PLEKHA8: variants seen among roughly 807,000 people sequenced by gnomAD.
The protein encoded by PLEKHA8 is pleckstrin homology domain containing A8.
PLEKHA8 carries 36 observed loss-of-function variants against 68.2 expected under a neutral mutation model. That is an observed-to-expected ratio of 0.53 (90% CI 0.40 to 0.70). The LOEUF is 0.70. Among genes scored for constraint, PLEKHA8 ranks in the 30% least tolerant of loss-of-function variants. The probability of loss-of-function intolerance (pLI) is 0.00; values close to 1 mark genes in which losing one functional copy is unlikely to be tolerated. For synonymous variants in PLEKHA8, 211 were observed against 216.1 expected (o/e 0.98, Z 0.20); for missense variants, 505 against 615.4 (o/e 0.82, Z 1.90).
intron 9 of PLEKHA8, among the ~76,000 whole-genome samples, chr7:30,056,358 C>CAT (rs1466345466): frequency 2.4e-5 from 3 of 122,478 alleles, no homozygotes; most frequent in African/African-American, 9.4e-5. Context: ...ATATATATAA[C>CAT]ACATATATAT....
rs769200561 is a variant in PLEKHA8, at chr7:30,080,876, GA to G, written c.*2091del. 5.1e-6 allele frequency: 5 copies of G among 985,346 alleles called. No homozygotes were observed. The highest frequency in any genetic ancestry group is 6.0e-6 in the Non-Finnish European group (5 of 829,912). 61.0% of individuals were successfully genotyped at this position (985,346 alleles called of 1,614,324 possible). A position where few individuals can be genotyped will look rare whatever the true frequency, so the allele number is the denominator to read the frequency against. ...GCCAGTTTTTGCTTGTACTTTGAAT[GA>G]AGATGTTTTAGGCATTGTACCATTT... On this transcript the variant is annotated 3_prime_UTR_variant, in exon 14 of 14. Coordinates refer to ENST00000449726, the MANE Select transcript of PLEKHA8 (RefSeq NM_001197026.2).
chr7:30,081,042 G>A lies in PLEKHA8; in HGVS notation c.*2255G>A, dbSNP rs1008688264. On this transcript the variant is annotated 3_prime_UTR_variant, in exon 14 of 14. Coordinates refer to ENST00000449726, the MANE Select transcript of PLEKHA8 (RefSeq NM_001197026.2). ...CTGAAAATACCTCAGGTTTGCCACC[G>A]CAACTCTGAATACACACAAAAGGAA... The A allele has an allele frequency of 4.1e-6, 4 of 985,114 alleles. No individual in the cohort carries two copies. The highest frequency in any genetic ancestry group is 9.4e-5 in the South Asian group (2 of 21,270). 61.0% of individuals were successfully genotyped at this position (985,114 alleles called of 1,614,324 possible).
chr7:30,041,684 G>T (rs1411621193), intron 1 of PLEKHA8, among the ~76,000 whole-genome samples: 1 of 152,060 alleles, frequency 6.6e-6, no homozygotes, highest in Admixed American at 6.6e-5. Flanking sequence ...AGTGAACCAC[G>T]GAGCCCAGCC....
chr7:30,097,821 C>G (rs1009439345), intron 13 of PLEKHA8, among the ~76,000 whole-genome samples: 4 of 152,208 alleles, frequency 2.6e-5, no homozygotes, highest in Non-Finnish European at 5.9e-5. Flanking sequence ...ATTCTTCTCT[C>G]AACTCGTCAA....
At chr7:30,106,369 T>C (rs2128014543) in intron 13 of PLEKHA8, among the ~76,000 whole-genome samples, 1 of 152,246 alleles carries the variant, frequency 6.6e-6, no homozygotes, top group African/African-American at 2.4e-5. Flanking sequence ...TGGCCATCTT[T>C]AAGTCTTTAA....
At position 30,079,732 on chromosome 7, in the gene PLEKHA8, A is replaced by C. The variant is rs549949189; in HGVS notation, c.*945A>C. ...GTGCTTGTTCAAACAGCAGATTCCC[A>C]GGCCTTATTTTGGCCTAAAGAACCA... On this transcript the variant is annotated 3_prime_UTR_variant, in exon 14 of 14. Transcript: ENST00000449726. 79 of 544,170 alleles carry C rather than the reference A, an allele frequency of 1.5e-4. No homozygotes were observed. In the South Asian group the frequency reaches 2.3e-3, roughly 16 times the overall value. 33.7% of individuals were successfully genotyped at this position (544,170 alleles called of 1,614,324 possible).
intron 1 of PLEKHA8, among the ~76,000 whole-genome samples, chr7:30,032,347 A>G (rs1163292068): frequency 6.6e-6 from 1 of 152,222 alleles, no homozygotes; most frequent in Non-Finnish European, 1.5e-5. Context: ...CTCCATTTAA[A>G]ATAATGGGAT....
At chr7:30,038,566 T>A (rs1360693615) in intron 1 of PLEKHA8, among the ~76,000 whole-genome samples, 1 of 152,182 alleles carries the variant, frequency 6.6e-6, no homozygotes, top group Non-Finnish European at 1.5e-5. Context: ...TGGGGACAAT[T>A]TTGGTAGAAT....
intron 3 of PLEKHA8, among the ~76,000 whole-genome samples, chr7:30,046,793 A>C (rs770758056): frequency 1.3e-5 from 2 of 152,156 alleles, no homozygotes; most frequent in Non-Finnish European, 2.9e-5. Context: ...TGAGCCAGAT[A>C]AGCCTTGGAT....
At chr7:30,064,846 T>C (rs1281254516) in intron 12 of PLEKHA8, among the ~76,000 whole-genome samples, 1 of 152,170 alleles carries the variant, frequency 6.6e-6, no homozygotes, top group Non-Finnish European at 1.5e-5. Context: ...CCCAGTGGAC[T>C]CCGCTTGTCT....
In PLEKHA8 at chr7:30,082,077, T is replaced by C. The variant is rs1342046918; in HGVS notation, c.*3290T>C. 1.0e-6 allele frequency: 1 copy of C among 984,302 alleles called. No homozygotes were observed. The highest frequency in any genetic ancestry group is 1.2e-6 in the Non-Finnish European group (1 of 828,906). 61.0% of individuals were successfully genotyped at this position (984,302 alleles called of 1,614,324 possible). A position where few individuals can be genotyped will look rare whatever the true frequency, so the allele number is the denominator to read the frequency against. Reference sequence around the variant, plus strand: ...GAAGGGAGTTCCAGAAGAGGAGCTCTCACAGAATGTTGAGCCTGTGGGCCC... The same window carrying C: ...GAAGGGAGTTCCAGAAGAGGAGCTCCCACAGAATGTTGAGCCTGTGGGCCC... On this transcript the variant is annotated 3_prime_UTR_variant, in exon 14 of 14. Transcript: ENST00000449726.
At position 30,078,489 on chromosome 7, in the gene PLEKHA8, T is replaced by C; in HGVS notation, c.1363-101T>C. 2.4e-6 allele frequency: 3 copies of C among 1,235,568 alleles called. No homozygotes were observed. In the South Asian group the frequency reaches 3.8e-5, roughly 16 times the overall value. The allele number at this position is 1,235,568 out of a possible 1,614,324, so 76.5% of individuals were successfully genotyped here. On this transcript the variant is annotated intron_variant, in intron 13 of 13. Coordinates refer to ENST00000449726, the MANE Select transcript of PLEKHA8 (RefSeq NM_001197026.2). Reference sequence around the variant, plus strand: ...CTTTACTCTTGCTCTTCTCAGCTGTTTGTATGTGTGAAAGTATGTGTGTGT... The same window carrying C: ...CTTTACTCTTGCTCTTCTCAGCTGTCTGTATGTGTGAAAGTATGTGTGTGT...
intron 13 of PLEKHA8, among the ~76,000 whole-genome samples, chr7:30,103,840 T>C (rs1001639321): frequency 2.6e-5 from 4 of 152,200 alleles, no homozygotes; most frequent in African/African-American, 7.2e-5. Flanking sequence ...TAGAGCATTA[T>C]TTTTTAGGAT....
chr7:30,029,237 G>A (rs1025332061), intron 1 of PLEKHA8, among the ~76,000 whole-genome samples: 2 of 152,222 alleles, frequency 1.3e-5, no homozygotes, highest in Admixed American at 6.5e-5. Flanking sequence ...ACAGCGGAAA[G>A]ATCCTTTATC....
intron 12 of PLEKHA8, among the ~76,000 whole-genome samples, chr7:30,065,934 A>T (rs1012285694): frequency 6.7e-6 from 1 of 148,868 alleles, no homozygotes; most frequent in African/African-American, 2.5e-5. Context: ...GTTCCACCCC[A>T]GACCTGCTGA....
rs146187550 is a variant in PLEKHA8 at position 30,064,549 on chromosome 7, AAAAC to A, written c.1300+1823_1300+1826del. ...TCGAGTGAGACCAGACCCTGTCTCAAAAACAAACAAACAAACAAAAAAACAATGC... is the reference window on the plus strand; with the variant it reads ...TCGAGTGAGACCAGACCCTGTCTCAAAAACAAACAAACAAAAAAACAATGC... On this transcript the variant is annotated intron_variant, in intron 12 of 13. Transcript: ENST00000449726. Among the ~76,000 whole-genome samples the A allele has an allele frequency of 5.5e-3, 842 of 152,252 alleles. 12 individuals carry two copies. The highest frequency in any genetic ancestry group is 0.019 in the African/African-American group (798 of 41,526).
At chr7:30,095,031 G>A (rs533318035), downstream of PLEKHA8, among the ~76,000 whole-genome samples, 89 of 152,200 alleles carry the variant, frequency 5.8e-4, no homozygotes, top group South Asian at 8.7e-3. Flanking sequence ...AATCCTTTGG[G>A]TATATACTCA....
intron 1 of PLEKHA8, among the ~76,000 whole-genome samples, chr7:30,030,740 G>C (rs1181650266): frequency 6.6e-6 from 1 of 152,186 alleles, no homozygotes; most frequent in Non-Finnish European, 1.5e-5. Flanking sequence ...CTCCTTTTAG[G>C]AGATAAATTT....
intron 13 of PLEKHA8, among the ~76,000 whole-genome samples, chr7:30,101,575 T>A (rs563748971): frequency 2.6e-5 from 4 of 152,268 alleles, no homozygotes; most frequent in South Asian, 2.1e-4. Flanking sequence ...GCCTTCATGA[T>A]CTAAGCACCT....
Sources: gnomAD v4.1 joint callset for allele counts (sites outside exome capture counted in the v4.1 genomes callset) on GRCh38, gnomAD v4.1.1 for gene constraint, MANE v1.5 for transcripts, NCBI Gene and HGNC (gene_info 2026-07-23, HGNC 2026-07-21) for gene names.